The following FHOD3 variants were observed in gnomAD, a reference collection of about 807,000 sequenced individuals.
The protein encoded by FHOD3 is FH1/FH2 domain-containing protein 3.
A neutral mutation model predicts 173.0 loss-of-function variants in FHOD3; 90 were observed. The observed-to-expected ratio is 0.52, with a 90% CI of 0.44 to 0.62. The LOEUF is 0.62. Among genes scored for constraint, FHOD3 ranks in the 20% least tolerant of loss-of-function variants. The pLI is 0.00. For synonymous variants in FHOD3, 828 were observed against 823.0 expected (o/e 1.01, Z -0.10); for missense variants, 1,945 against 2,034.7 (o/e 0.96, Z 0.85).
chr18:36,763,475 A>G (rs1167771652), intron 27 of FHOD3, among the ~76,000 whole-genome samples: 3 of 143,130 alleles, frequency 2.1e-5, no homozygotes, highest in African/African-American at 7.4e-5. Flanking sequence ...GTTATATATA[A>G]TATTGTATTA....
At chr18:36,432,756 A>G (rs1051950940) in intron 3 of FHOD3, among the ~76,000 whole-genome samples, 1 of 152,220 alleles carries the variant, frequency 6.6e-6, no homozygotes, top group Admixed American at 6.5e-5. Context: ...CTTAACTCAT[A>G]TATAACAATG....
At position 36,755,323 on chromosome 18, in the gene FHOD3, A is replaced by G. The variant is rs1444568678; in HGVS notation, c.4425+12A>G. 1.3e-6 allele frequency: 2 copies of G among 1,549,228 alleles called. No homozygotes were observed. The highest frequency in any genetic ancestry group is 1.8e-6 in the Non-Finnish European group (2 of 1,141,938). ...AGATGATCACCGATGTAAGTTTCAC[A>G]CAATCCCTCTCCTTATGTCATTCGT... On this transcript the variant is annotated intron_variant, in intron 25 of 28. Transcript: ENST00000590592.
chr18:36,352,940 A>G (rs2046201058), intron 1 of FHOD3, among the ~76,000 whole-genome samples: 1 of 152,220 alleles, frequency 6.6e-6, no homozygotes, highest in South Asian at 2.1e-4. Flanking sequence ...TCCAATTTCC[A>G]TTGGAATTTT....
rs534342036 is a variant in FHOD3, at chr18:36,511,116, C to G, written c.406-1322C>G. ...GACTTTTCCTATAATAATAACCTTT[C>G]ATTATTCCATTGAGCTTTCTACCAT... On this transcript the variant is annotated intron_variant, in intron 4 of 28. Coordinates refer to ENST00000590592, the MANE Select transcript of FHOD3 (RefSeq NM_001281740.3). 1.6e-4 allele frequency among the ~76,000 whole-genome samples: 25 copies of G among 152,322 alleles called. No homozygotes were observed. The South Asian group carries it at 5.0e-3, about 30-fold the overall frequency.
At chr18:36,447,510 C>G (rs943487732) in intron 3 of FHOD3, among the ~76,000 whole-genome samples, 1 of 149,002 alleles carries the variant, frequency 6.7e-6, no homozygotes, top group South Asian at 2.1e-4. Flanking sequence ...GTTTTTTCCC[C>G]CAATAGGGTG....
intron 9 of FHOD3, among the ~76,000 whole-genome samples, chr18:36,620,530 G>C (rs2033621232): frequency 6.6e-6 from 1 of 152,124 alleles, no homozygotes; most frequent in African/African-American, 2.4e-5. Context: ...GTTTCCCTTT[G>C]AGCTACTCTA....
chr18:36,632,041 A>G (rs1002105360), intron 10 of FHOD3, among the ~76,000 whole-genome samples: 12 of 152,228 alleles, frequency 7.9e-5, no homozygotes, highest in Admixed American at 3.3e-4. Flanking sequence ...TGTAATGAAC[A>G]TACACACTGG....
At chr18:36,584,881 CTCTT>C (rs1007874102) in intron 6 of FHOD3, among the ~76,000 whole-genome samples, 18 of 152,086 alleles carry the variant, frequency 1.2e-4, no homozygotes, top group African/African-American at 4.1e-4. Context: ...ATAACATACT[CTCTT>C]TGTATAAAAC....
intron 3 of FHOD3, among the ~76,000 whole-genome samples, chr18:36,376,795 T>C (rs989073270): frequency 1.3e-5 from 2 of 152,250 alleles, no homozygotes; most frequent in Non-Finnish European, 2.9e-5. Context: ...TGCAGCCGTG[T>C]GCTTTGCACT....
rs371976635 is a variant in FHOD3 at position 36,652,826 on chromosome 18, C to A, written c.1543C>A (p.Leu515Met). The change falls in exon 12 of 29, where the codon CTG becomes ATG. Residue 515 changes from leucine to methionine, a missense_variant. By Grantham distance (15) the Leu-to-Met change is conservative. This residue lies in a region of FHOD3 where 1,099 missense variants were observed against 1,051.2 expected (regional missense o/e 1.05). Coordinates refer to ENST00000590592, the MANE Select transcript of FHOD3 (RefSeq NM_001281740.3). ...SLKVSPTIDKLPYVPHSPFHL... is the reference protein window; with the variant it reads ...SLKVSPTIDKMPYVPHSPFHL... The stretch of plus-strand genomic sequence containing the variant: ...GAAGGTGTCACCGACCATAGACAAG[C>A]TGCCCTACGTGCCCCACAGCCCCTT... 15 of 1,535,940 alleles carry A rather than the reference C, an allele frequency of 9.8e-6. No homozygotes were observed. In the Middle Eastern group the frequency reaches 1.8e-3, roughly 188 times the overall value.
intron 19 of FHOD3, among the ~76,000 whole-genome samples, chr18:36,719,430 G>A (rs2040637570): frequency 2.0e-5 from 3 of 152,162 alleles, no homozygotes; most frequent in Admixed American, 1.3e-4. Context: ...CTGATAAACT[G>A]CAAGATATGG....
intron 17 of FHOD3, among the ~76,000 whole-genome samples, chr18:36,701,145 G>A (rs1023167784): frequency 5.9e-5 from 9 of 152,200 alleles, no homozygotes; most frequent in African/African-American, 2.2e-4. Flanking sequence ...GGTCAAGCAT[G>A]ACAAAAGAAA....
At chr18:36,559,912 AC>A (rs896908821) in intron 5 of FHOD3, among the ~76,000 whole-genome samples, 3 of 151,918 alleles carry the variant, frequency 2.0e-5, no homozygotes, top group African/African-American at 4.8e-5. Context: ...GCCACTCTTG[AC>A]CCTTACCTTT....
At chr18:36,456,770 C>A (rs2052243079) in intron 3 of FHOD3, among the ~76,000 whole-genome samples, 2 of 152,094 alleles carry the variant, frequency 1.3e-5, no homozygotes, top group Admixed American at 1.3e-4. Flanking sequence ...GTACACACCT[C>A]AGCTCTTGCC....
chr18:36,649,747 C>T (rs566041271), intron 11 of FHOD3, among the ~76,000 whole-genome samples: 104 of 152,272 alleles, frequency 6.8e-4, no homozygotes, highest in African/African-American at 2.5e-3. Flanking sequence ...AAGATTCTTG[C>T]CCTTTCAGCA....
chr18:36,336,973 G>A (rs906708223), intron 1 of FHOD3, among the ~76,000 whole-genome samples: 2 of 151,522 alleles, frequency 1.3e-5, no homozygotes, highest in African/African-American at 4.8e-5. Flanking sequence ...AGGAGTTTGA[G>A]ACCAGCCTGG....
intron 14 of FHOD3, among the ~76,000 whole-genome samples, chr18:36,662,992 G>T (rs1243621677): frequency 6.6e-6 from 1 of 152,136 alleles, no homozygotes; most frequent in Non-Finnish European, 1.5e-5. Context: ...TATAAACTGT[G>T]ATAAGAGTAG....
chr18:36,772,783 G>A (rs1389543384), intron 28 of FHOD3, among the ~76,000 whole-genome samples: 1 of 152,182 alleles, frequency 6.6e-6, no homozygotes, highest in African/African-American at 2.4e-5. Context: ...GTCTCAAATC[G>A]TCCAGGTGAT....
chr18:36,481,385 T>G (rs2053886781), intron 3 of FHOD3, among the ~76,000 whole-genome samples: 1 of 151,960 alleles, frequency 6.6e-6, no homozygotes, highest in Non-Finnish European at 1.5e-5. Context: ...CATATGGTCC[T>G]TCTAGTGGGA....
Sources: gnomAD v4.1 joint callset for allele counts (sites outside exome capture counted in the v4.1 genomes callset) on GRCh38, gnomAD v4.1.1 for gene constraint, gnomAD v4.1.1 regional missense constraint, MANE v1.5 for transcripts, NCBI Gene and HGNC (gene_info 2026-07-23, HGNC 2026-07-21) for gene names.